L3MBTL4: variants seen among roughly 807,000 people sequenced by gnomAD.
L3MBTL4 encodes lethal(3)malignant brain tumor-like protein 4.
L3MBTL4 carries 70 observed loss-of-function variants against 84.5 expected under a neutral mutation model. That is an observed-to-expected ratio of 0.83 (90% confidence interval 0.68 to 1.01). L3MBTL4 has a LOEUF of 1.01. L3MBTL4 is among the 50% of genes least tolerant of loss of function. L3MBTL4 has a pLI of 0.00. For synonymous variants in L3MBTL4, 274 were observed against 259.8 expected, an observed-to-expected ratio of 1.05 and a Z score of -0.52; for missense variants, 715 against 754.8, an observed-to-expected ratio of 0.95 and a Z score of 0.62.
intron 9 of L3MBTL4, among the ~76,000 whole-genome samples, chr18:6,238,642 G>C (rs2146087586): frequency 6.6e-6 from 1 of 152,290 alleles, no homozygotes; most frequent in Admixed American, 6.5e-5. Flanking sequence ...ACCACTTCTT[G>C]CTGGCAGCAA....
chr18:6,115,697 G>T (rs139865926), intron 14 of L3MBTL4, among the ~76,000 whole-genome samples: 1 of 152,338 alleles, frequency 6.6e-6, no homozygotes, highest in Non-Finnish European at 1.5e-5. Context: ...GACTCAAGGA[G>T]GGTTTACAGA....
At chr18:6,181,093 C>T (rs917495302) in intron 12 of L3MBTL4, among the ~76,000 whole-genome samples, 1 of 151,722 alleles carries the variant, frequency 6.6e-6, no homozygotes, top group South Asian at 2.1e-4. Flanking sequence ...ATAGGGTCTG[C>T]AGGGAGGTAG....
intron 16 of L3MBTL4, among the ~76,000 whole-genome samples, chr18:5,993,104 T>A (rs2053778152): frequency 6.6e-6 from 1 of 152,188 alleles, no homozygotes; most frequent in Admixed American, 6.5e-5. Context: ...GTGGCCCTGG[T>A]GACCTCGTGG....
At chr18:6,079,063 T>G (rs146150501) in intron 16 of L3MBTL4, among the ~76,000 whole-genome samples, 3 of 152,186 alleles carry the variant, frequency 2.0e-5, no homozygotes, top group Non-Finnish European at 4.4e-5. Context: ...CAGCTGTGAA[T>G]GCAGATAAAG....
At chr18:6,040,233 A>G (rs778261191) in intron 16 of L3MBTL4, among the ~76,000 whole-genome samples, 1 of 152,210 alleles carries the variant, frequency 6.6e-6, no homozygotes, top group Non-Finnish European at 1.5e-5. Flanking sequence ...GATCACATTA[A>G]AGATTTCCTC....
chr18:6,342,550 G>C (rs978920448), intron 1 of L3MBTL4, among the ~76,000 whole-genome samples: 8 of 151,886 alleles, frequency 5.3e-5, no homozygotes, highest in African/African-American at 1.9e-4. Context: ...GAGCCTTATG[G>C]TAACCACAAA....
chr18:6,205,655 T>C (rs535923310), intron 12 of L3MBTL4, among the ~76,000 whole-genome samples: 1 of 152,354 alleles, frequency 6.6e-6, no homozygotes, highest in South Asian at 2.1e-4. Flanking sequence ...GAGTCCATCA[T>C]CCTTTCTTAT....
At chr18:6,348,029 A>G (rs67307009) in intron 1 of L3MBTL4, among the ~76,000 whole-genome samples, 29,774 of 151,940 alleles carry the variant, frequency 0.2, 3,683 homozygotes, top group African/African-American at 0.36. Flanking sequence ...TAAAATTTGA[A>G]AATGCCATTT....
chr18:6,396,582 A>G (rs527290756), intron 1 of L3MBTL4: 2 of 152,346 alleles, frequency 1.3e-5, no homozygotes, highest in East Asian at 3.9e-4. Context: ...CCATGTGGAA[A>G]CCACCCCTGT....
Position 5,996,550 on chromosome 18 carries a change from G to A in L3MBTL4, c.1445-26988C>T, listed in dbSNP as rs910046407. ...ACTCTAGCAGCTGTGGCTATGGTAG[G>A]TGCGCTCTGGGGTTCTACTCAGTGT... On this transcript the variant is annotated intron_variant, in intron 16 of 18. Coordinates refer to ENST00000317931, the MANE Select transcript of L3MBTL4 (RefSeq NM_001330559.2). Among the ~76,000 whole-genome samples the A allele has an allele frequency of 3.3e-5, 5 of 152,312 alleles. No individual in the cohort carries two copies. The South Asian group carries it at 8.3e-4, about 25-fold the overall frequency.
intron 16 of L3MBTL4, among the ~76,000 whole-genome samples, chr18:6,074,650 A>G (rs2057797659): frequency 6.6e-6 from 1 of 152,184 alleles, no homozygotes; most frequent in Non-Finnish European, 1.5e-5. Flanking sequence ...GACTGGTGTT[A>G]TTTAACTAAA....
At chr18:6,345,969 CAG>C (rs145371203) in intron 1 of L3MBTL4, among the ~76,000 whole-genome samples, 29,697 of 151,548 alleles carry the variant, frequency 0.2, 3,664 homozygotes, top group African/African-American at 0.35. Flanking sequence ...AGCATAAAAA[CAG>C]ATATATAGAC....
rs1274995603 is a variant in L3MBTL4 at position 6,080,900 on chromosome 18, G to A, written c.1425C>T (p.Asp475=). 5 of 1,607,504 alleles carry A rather than the reference G, an allele frequency of 3.1e-6. No homozygotes were observed. The African/African-American group carries it at 5.3e-5, about 17-fold the overall frequency. Residue 475 remains aspartate (D), a synonymous_variant, in exon 16 of 19, where the codon GAC becomes GAT. Transcript: ENST00000317931. The part of the protein sequence containing the change: ...CLKIKGKEDI[D]LDNLFREYSV... The stretch of plus-strand genomic sequence containing the variant: ...TTTTACCTCTGAAGAGATTATCCAA[G>A]TCAATATCTTCTTTTCCTTTGATTT...
intron 16 of L3MBTL4, among the ~76,000 whole-genome samples, chr18:6,011,584 C>T (rs1401151914): frequency 3.9e-5 from 6 of 152,210 alleles, no homozygotes; most frequent in Non-Finnish European, 7.3e-5. Context: ...TCTCAGTCTA[C>T]TCAAAATGAA....
intron 1 of L3MBTL4, among the ~76,000 whole-genome samples, chr18:6,325,987 C>A (rs2051697385): frequency 6.6e-6 from 1 of 152,166 alleles, no homozygotes; most frequent in South Asian, 2.1e-4. Flanking sequence ...TTTGTAAGAA[C>A]ATACCATGTA....
At chr18:6,178,010 C>G (rs780969765) in intron 12 of L3MBTL4, among the ~76,000 whole-genome samples, 1 of 152,078 alleles carries the variant, frequency 6.6e-6, no homozygotes, top group Non-Finnish European at 1.5e-5. Context: ...CCAGCAAGGT[C>G]CTGCTTTGAG....
intron 4 of L3MBTL4, among the ~76,000 whole-genome samples, chr18:6,265,678 AAGTGAAATAAGTTAGGCAC>A (rs535103090): frequency 0.012 from 1,884 of 152,278 alleles, 35 homozygotes; most frequent in African/African-American, 0.042. Context: ...TACTTATGCT[AAGTGAAATAAGTTAGGCAC>A]AGTGAAATAA....
intron 13 of L3MBTL4, among the ~76,000 whole-genome samples, chr18:6,159,937 A>G (rs905103867): frequency 1.3e-5 from 2 of 152,216 alleles, no homozygotes; most frequent in Admixed American, 6.5e-5. Flanking sequence ...AAGCATTTCT[A>G]CATAATCAAA....
intron 16 of L3MBTL4, among the ~76,000 whole-genome samples, chr18:6,041,933 G>C (rs2056421062): frequency 6.6e-6 from 1 of 151,976 alleles, no homozygotes; most frequent in South Asian, 2.1e-4. Flanking sequence ...ACGTTGCCCA[G>C]GCTGGTCTTG....
Sources: allele counts gnomAD v4.1 joint callset (sites outside exome capture counted in the v4.1 genomes callset), GRCh38; gene constraint gnomAD v4.1.1; transcripts MANE v1.5; gene names NCBI Gene and HGNC (gene_info 2026-07-23, HGNC 2026-07-21).